VAT1L: variants seen among roughly 807,000 people sequenced by gnomAD.
VAT1L encodes the protein putative NADPH-dependent quinone oxidoreductase VAT1L.
A neutral mutation model predicts 44.1 loss-of-function variants in VAT1L; 34 were observed. The ratio of observed to expected loss-of-function variants is 0.77; its 90% confidence interval spans 0.59 to 1.03. The LOEUF is 1.03. Ranked by LOEUF, VAT1L falls within the 50% of genes least tolerant of loss-of-function variation. The probability of loss-of-function intolerance (pLI) is 0.00; values close to 1 mark genes in which losing one functional copy is unlikely to be tolerated. For synonymous variants in VAT1L, 253 were observed against 202.2 expected (o/e 1.25, Z -2.13); for missense variants, 615 against 538.8 (o/e 1.14, Z -1.40).
At chr16:77,933,210 A>G (rs1327050146) in intron 7 of VAT1L, among the ~76,000 whole-genome samples, 2 of 152,224 alleles carry the variant, frequency 1.3e-5, no homozygotes, top group Non-Finnish European at 2.9e-5. Flanking sequence ...GACTTATAGT[A>G]AACCCCTATC....
intron 7 of VAT1L, among the ~76,000 whole-genome samples, chr16:77,967,472 G>C (rs545265980): frequency 1.1e-4 from 17 of 152,294 alleles, no homozygotes; most frequent in African/African-American, 4.1e-4. Flanking sequence ...ATTGTCATCA[G>C]AAAGGCTCCA....
intron 3 of VAT1L, among the ~76,000 whole-genome samples, chr16:77,845,908 C>A (rs1030032589): frequency 6.6e-6 from 1 of 152,114 alleles, no homozygotes; most frequent in Non-Finnish European, 1.5e-5. Context: ...TCCATCTGTC[C>A]GTCCATCCAT....
chr16:77,843,407 C>A (rs1034486712), intron 3 of VAT1L, among the ~76,000 whole-genome samples: 1 of 152,238 alleles, frequency 6.6e-6, no homozygotes, highest in African/African-American at 2.4e-5. Flanking sequence ...AGAAGGTTGA[C>A]CCCCAGGAGA....
intron 1 of VAT1L, among the ~76,000 whole-genome samples, chr16:77,812,568 C>T (rs568559729): frequency 6.6e-6 from 1 of 152,284 alleles, no homozygotes; most frequent in East Asian, 1.9e-4. Flanking sequence ...ATGTTCACAT[C>T]TATTTAATGG....
chr16:77,861,404 T>C (rs2016912696), intron 3 of VAT1L, among the ~76,000 whole-genome samples: 1 of 152,208 alleles, frequency 6.6e-6, no homozygotes, highest in African/African-American at 2.4e-5. Context: ...TGAAAAACGA[T>C]ATGGAAAAAT....
chr16:77,904,790 A>G (rs535742014), intron 7 of VAT1L, among the ~76,000 whole-genome samples: 1 of 152,312 alleles, frequency 6.6e-6, no homozygotes, highest in Admixed American at 6.5e-5. Context: ...TTTGGGCAAC[A>G]TATGGATTCC....
chr16:77,955,839 C>T (rs1211805718), intron 7 of VAT1L, among the ~76,000 whole-genome samples: 1 of 151,872 alleles, frequency 6.6e-6, no homozygotes, highest in African/African-American at 2.4e-5. Context: ...AATACAATAC[C>T]CAGCGTCCTA....
chr16:77,829,061 T>C (rs968389611), intron 3 of VAT1L, among the ~76,000 whole-genome samples: 9 of 152,160 alleles, frequency 5.9e-5, no homozygotes, highest in Non-Finnish European at 1.3e-4. Context: ...AAAATCAAAG[T>C]AGCGAATTGC....
intron 3 of VAT1L, among the ~76,000 whole-genome samples, chr16:77,834,271 T>G (rs1450331718): frequency 6.6e-6 from 1 of 152,220 alleles, no homozygotes; most frequent in Non-Finnish European, 1.5e-5. Flanking sequence ...TTGCAGCCTC[T>G]GTAAGGTGTG....
In VAT1L at chr16:77,818,812, G is replaced by C. The variant is rs568973756; in HGVS notation, c.363+1762G>C. 1.1e-4 allele frequency among the ~76,000 whole-genome samples: 16 copies of C among 152,322 alleles called. No individual in the cohort carries two copies. In the South Asian group the frequency reaches 2.7e-3, roughly 26 times the overall value. ...CGTTTCCAGTTAGGGTGTGATATGG[G>C]AGAAAACTGACACTAGTATTCCATC... On this transcript the variant is annotated intron_variant, in intron 2 of 8. Coordinates refer to ENST00000302536, the MANE Select transcript of VAT1L (RefSeq NM_020927.3).
rs529588605 is a variant in VAT1L at position 77,881,062 on chromosome 16, G to A, written c.882+1838G>A. Among the ~76,000 whole-genome samples the A allele has an allele frequency of 4.5e-4, 69 of 152,212 alleles. 1 individual carries two copies. The highest frequency in any genetic ancestry group is 1.4e-3 in the African/African-American group (60 of 41,524). ...TGAATAGAATGGCAATGAACATACG[G>A]GTGCATGTGTCCTTTTGATAGAACG... On this transcript the variant is annotated intron_variant, in intron 6 of 8. Transcript: ENST00000302536.
At chr16:77,892,367 A>C (rs1597086045) in intron 7 of VAT1L, 1 of 356,060 alleles carries the variant, frequency 2.8e-6, no homozygotes, top group East Asian at 6.9e-5. Context: ...CACTGAGCAC[A>C]GTGTGGGGCA....
At chr16:77,931,382 GA>G (rs1459625587) in intron 7 of VAT1L, among the ~76,000 whole-genome samples, 1 of 152,108 alleles carries the variant, frequency 6.6e-6, no homozygotes, top group Non-Finnish European at 1.5e-5. Flanking sequence ...TTACCTCTGG[GA>G]AACAAAAGCA....
chr16:77,953,287 C>T (rs1244514236), intron 7 of VAT1L, among the ~76,000 whole-genome samples: 1 of 152,184 alleles, frequency 6.6e-6, no homozygotes, highest in Non-Finnish European at 1.5e-5. Flanking sequence ...TGTTTCAAGC[C>T]ACCTGGTTTG....
intron 7 of VAT1L, among the ~76,000 whole-genome samples, chr16:77,932,847 T>C (rs1258711044): frequency 6.6e-6 from 1 of 152,062 alleles, no homozygotes; most frequent in East Asian, 1.9e-4. Context: ...ACAAAGGAGG[T>C]CTTTCTTTAC....
chr16:77,933,478 G>C (rs1212666388), intron 7 of VAT1L, among the ~76,000 whole-genome samples: 1 of 152,156 alleles, frequency 6.6e-6, no homozygotes, highest in East Asian at 1.9e-4. Context: ...TGCTCTCCTA[G>C]AATTTAAAAC....
chr16:77,883,787 G>A (rs1027305299), intron 6 of VAT1L, among the ~76,000 whole-genome samples: 1 of 152,048 alleles, frequency 6.6e-6, no homozygotes, highest in Non-Finnish European at 1.5e-5. Context: ...TTCATCCGAT[G>A]GATCCCTACC....
rs373776187 is a variant in VAT1L, at chr16:77,903,374, T to C, written c.1077+18572T>C. 1.4e-4 allele frequency among the ~76,000 whole-genome samples: 22 copies of C among 152,314 alleles called. No homozygotes were observed. In the South Asian group the frequency reaches 2.1e-3, roughly 14 times the overall value. On this transcript the variant is annotated intron_variant, in intron 7 of 8. Transcript: ENST00000302536. Reference sequence around the variant, plus strand: ...TTGCTTCTTGAAATAATTTTGGAAATAGACTTTGCAACAGGTAGTTAGTAC... The same window carrying C: ...TTGCTTCTTGAAATAATTTTGGAAACAGACTTTGCAACAGGTAGTTAGTAC...
chr16:77,936,638 C>A (rs2017800392), intron 7 of VAT1L, among the ~76,000 whole-genome samples: 1 of 152,108 alleles, frequency 6.6e-6, no homozygotes, highest in African/African-American at 2.4e-5. Context: ...GAGCGTGCTT[C>A]CTACCTGTGC....
Sources: gnomAD v4.1 joint callset for allele counts (sites outside exome capture counted in the v4.1 genomes callset) on GRCh38, gnomAD v4.1.1 for gene constraint, MANE v1.5 for transcripts, NCBI Gene and HGNC (gene_info 2026-07-23, HGNC 2026-07-21) for gene names.